Variants in ZMYM2 observed in about 807,000 individuals in gnomAD.
The protein encoded by ZMYM2 is zinc finger MYM-type protein 2.
In ZMYM2, 56 loss-of-function variants were observed where a neutral mutation model predicts 162.8. The observed-to-expected ratio is 0.34, with a 90% CI of 0.28 to 0.43. The LOEUF is 0.43. Ranked by LOEUF, ZMYM2 falls within the 20% of genes least tolerant of loss-of-function variation. ZMYM2 has a pLI of 1.00. For synonymous variants in ZMYM2, 510 were observed against 541.6 expected (o/e 0.94, Z 0.81); for missense variants, 1,275 against 1,621.8 (o/e 0.79, Z 3.67).
chr13:19,870,550 T>C, the ZMYM2 span, among the ~76,000 whole-genome samples: 66,732 of 114,040 alleles, frequency 0.59, 20,941 homozygotes, highest in East Asian at 0.89. Context: ...TTTCTTTCTT[T>C]CTTCCTTCCT....
At chr13:19,967,122 A>T (rs1254471805) in intron 2 of ZMYM2, among the ~76,000 whole-genome samples, 1 of 151,970 alleles carries the variant, frequency 6.6e-6, no homozygotes, top group African/African-American at 2.4e-5. Flanking sequence ...TTCCTCCTGG[A>T]CTTACCTGTT....
the ZMYM2 span, among the ~76,000 whole-genome samples, chr13:19,934,374 G>T: frequency 4.6e-5 from 7 of 152,046 alleles, no homozygotes; most frequent in Non-Finnish European, 1.0e-4. Context: ...TGGTCAGGCT[G>T]GTCTTGAACT....
At chr13:19,873,219 T>A in the ZMYM2 span, among the ~76,000 whole-genome samples, 5 of 152,098 alleles carry the variant, frequency 3.3e-5, no homozygotes, top group African/African-American at 1.2e-4. Flanking sequence ...TTGTGGACGA[T>A]CCTCCTCCCC....
the ZMYM2 span, among the ~76,000 whole-genome samples, chr13:19,916,528 A>G: frequency 6.6e-6 from 1 of 152,210 alleles, no homozygotes; most frequent in African/African-American, 2.4e-5. Flanking sequence ...AATACTATGC[A>G]ACCATAGAAA....
intron 7 of ZMYM2, chr13:20,026,292 A>G (rs1049280381): frequency 2.2e-5 from 4 of 182,512 alleles, no homozygotes; most frequent in Non-Finnish European, 4.5e-5. Flanking sequence ...TGTCCTCATT[A>G]TAAACAAAAA....
At chr13:19,873,271 C>T in the ZMYM2 span, among the ~76,000 whole-genome samples, 4 of 152,122 alleles carry the variant, frequency 2.6e-5, no homozygotes, top group Non-Finnish European at 5.9e-5. Flanking sequence ...CATTTACTTG[C>T]CGTGTCTCTT....
At chr13:19,871,833 C>A in the ZMYM2 span, among the ~76,000 whole-genome samples, 2 of 152,052 alleles carry the variant, frequency 1.3e-5, no homozygotes, top group Non-Finnish European at 2.9e-5. Flanking sequence ...AAGAATGGAT[C>A]ATGTACACAT....
In ZMYM2 at chr13:20,006,599, C is replaced by T. The variant is rs910813171; in HGVS notation, c.1512+13C>T. On this transcript the variant is annotated intron_variant, in intron 6 of 24. Transcript: ENST00000610343. ...TGAATACAAACAGGTAATTCATGTT[C>T]TAATCAAAATTGGGCATTCTTTAGA... is the stretch of plus-strand genomic sequence containing the variant. The T allele has an allele frequency of 2.3e-5, 37 of 1,611,882 alleles. No homozygotes were observed. The highest frequency in any genetic ancestry group is 3.1e-5 in the Non-Finnish European group (37 of 1,178,720).
In ZMYM2 at chr13:20,048,138, G is replaced by C. The variant is rs57019449; in HGVS notation, c.2293-3295G>C. ...TCGATTGCACAGTTTTTTAACACAG[G>C]CTTTGATTTGTTTTCCAAAGAAGTA... On this transcript the variant is annotated intron_variant, in intron 12 of 24. Coordinates refer to ENST00000610343, the MANE Select transcript of ZMYM2 (RefSeq NM_197968.4). 7.0e-4 allele frequency among the ~76,000 whole-genome samples: 107 copies of C among 151,888 alleles called. 1 individual carries two copies. Among genetic ancestry groups the C allele is most frequent in the African/African-American group, 2.2e-3 (93 of 41,476 alleles).
At chr13:19,909,915 T>C in the ZMYM2 span, among the ~76,000 whole-genome samples, 2 of 151,696 alleles carry the variant, frequency 1.3e-5, no homozygotes, top group African/African-American at 2.4e-5. Context: ...GAAGAAAACA[T>C]AAAGTTGTAC....
intron 2 of ZMYM2, among the ~76,000 whole-genome samples, chr13:19,978,594 T>C (rs938155377): frequency 6.6e-6 from 1 of 152,132 alleles, no homozygotes; most frequent in African/African-American, 2.4e-5. Context: ...TTTGTATTTT[T>C]AGTAGAGACG....
intron 2 of ZMYM2, among the ~76,000 whole-genome samples, chr13:19,973,700 CA>C (rs1210927245): frequency 2.1e-5 from 3 of 142,484 alleles, no homozygotes; most frequent in Non-Finnish European, 4.6e-5. Flanking sequence ...CACCAAAAAA[CA>C]AAACAAAAAA....
chr13:19,934,493 G>GATATCT, the ZMYM2 span, among the ~76,000 whole-genome samples: 1 of 152,056 alleles, frequency 6.6e-6, no homozygotes, highest in Non-Finnish European at 1.5e-5. Flanking sequence ...TCGTCAATTT[G>GATATCT]ATATCTATAT....
intron 7 of ZMYM2, among the ~76,000 whole-genome samples, chr13:20,021,321 A>ATT (rs752275811): frequency 2.2e-5 from 2 of 89,032 alleles, no homozygotes; most frequent in African/African-American, 9.0e-5. Flanking sequence ...CTATAGTTTG[A>ATT]TTTTCTTTTT....
intron 12 of ZMYM2, among the ~76,000 whole-genome samples, chr13:20,039,619 G>A (rs553176405): frequency 1.3e-5 from 2 of 151,802 alleles, no homozygotes; most frequent in East Asian, 1.9e-4. Context: ...GACTGCAGGC[G>A]CCCGCCACCA....
chr13:19,894,637 C>G, the ZMYM2 span, among the ~76,000 whole-genome samples: 1 of 151,990 alleles, frequency 6.6e-6, no homozygotes, highest in East Asian at 1.9e-4. Flanking sequence ...CACCTTGGCC[C>G]AGCCAAAGTA....
At chr13:19,914,307 G>A in the ZMYM2 span, among the ~76,000 whole-genome samples, 2 of 152,226 alleles carry the variant, frequency 1.3e-5, no homozygotes, top group Admixed American at 6.5e-5. Context: ...TACTCATTCT[G>A]TGGACACCAG....
chr13:19,885,943 A>ATG, the ZMYM2 span, among the ~76,000 whole-genome samples: 86 of 24,406 alleles, frequency 3.5e-3, 26 homozygotes, highest in African/African-American at 7.8e-3. Flanking sequence ...ACACATATAT[A>ATG]TGTATATACA....
At chr13:19,955,683 G>A (rs1264096056), upstream of ZMYM2, among the ~76,000 whole-genome samples, 2 of 152,028 alleles carry the variant, frequency 1.3e-5, no homozygotes. Flanking sequence ...GTGCAGTGGT[G>A]CGCTCTCGGC....
Sources: allele counts gnomAD v4.1 joint callset (sites outside exome capture counted in the v4.1 genomes callset), GRCh38; gene constraint gnomAD v4.1.1; transcripts MANE v1.5; gene names NCBI Gene and HGNC (gene_info 2026-07-23, HGNC 2026-07-21).